The following TMEM117 variants were observed in gnomAD, a reference collection of about 807,000 sequenced individuals.
TMEM117 encodes transmembrane protein 117.
TMEM117 carries 27 observed loss-of-function variants against 52.4 expected under a neutral mutation model. That is an observed-to-expected ratio of 0.51 (90% CI 0.38 to 0.71). The LOEUF (loss-of-function observed/expected upper bound fraction) is 0.71. TMEM117 is among the 30% of genes least tolerant of loss of function. The probability of loss-of-function intolerance (pLI) is 0.00; values close to 1 mark genes in which losing one functional copy is unlikely to be tolerated. For synonymous variants in TMEM117, 215 were observed against 206.3 expected (o/e 1.04, Z -0.36); for missense variants, 556 against 630.5 (o/e 0.88, Z 1.26).
At chr12:43,844,493 G>A (rs1943166607) in intron 1 of TMEM117, 131 bp from the exon 2 acceptor site, 2 of 783,232 alleles carry the variant, frequency 2.6e-6, no homozygotes, top group Admixed American at 2.9e-5. Flanking sequence ...TTGTCTTGGA[G>A]CCATGAGTAG....
At chr12:43,907,784 G>A (rs7954384) in intron 2 of TMEM117, among the ~76,000 whole-genome samples, 101,290 of 143,142 alleles carry the variant, frequency 0.71, 38,963 homozygotes, top group East Asian at 0.86. Context: ...AGCAAGAAGG[G>A]AAGTTTAGAG....
chr12:44,352,777 G>T (rs948427264), intron 6 of TMEM117, among the ~76,000 whole-genome samples: 2 of 152,054 alleles, frequency 1.3e-5, no homozygotes, highest in African/African-American at 4.8e-5. Flanking sequence ...TGTCTTTATA[G>T]CAGCATGATT....
intron 3 of TMEM117, among the ~76,000 whole-genome samples, chr12:44,065,051 T>C (rs1592486765): frequency 6.6e-6 from 1 of 152,272 alleles, no homozygotes; most frequent in South Asian, 2.1e-4. Context: ...ATTTTAGTAA[T>C]ACAATCTGAT....
At chr12:44,121,703 C>T (rs1262756621) in intron 3 of TMEM117, among the ~76,000 whole-genome samples, 1 of 152,080 alleles carries the variant, frequency 6.6e-6, no homozygotes, top group Non-Finnish European at 1.5e-5. Context: ...TTATTTTTCT[C>T]TTTCCAATTT....
chr12:44,157,313 A>T (rs1271430076), intron 4 of TMEM117, among the ~76,000 whole-genome samples: 1 of 152,296 alleles, frequency 6.6e-6, no homozygotes, highest in Middle Eastern at 3.4e-3. Context: ...CTTAGAGGAT[A>T]TGGCTGTGAA....
chr12:44,142,570 G>A (rs7971491), intron 3 of TMEM117, among the ~76,000 whole-genome samples: 32,074 of 151,806 alleles, frequency 0.21, 3,921 homozygotes, highest in African/African-American at 0.34. Flanking sequence ...ATTATCTATT[G>A]GATGTATTTT....
chr12:43,883,946 T>C (rs927812957), intron 2 of TMEM117, among the ~76,000 whole-genome samples: 1 of 151,738 alleles, frequency 6.6e-6, no homozygotes, highest in Non-Finnish European at 1.5e-5. Context: ...AGACCAGCCT[T>C]GGCAACATGG....
intron 5 of TMEM117, among the ~76,000 whole-genome samples, chr12:44,212,682 A>T (rs779188307): frequency 6.6e-6 from 1 of 152,140 alleles, no homozygotes; most frequent in African/African-American, 2.4e-5. Context: ...CCCACCAGAT[A>T]AGGGGGACTA....
intron 2 of TMEM117, among the ~76,000 whole-genome samples, chr12:43,871,785 A>T (rs753737666): frequency 1.3e-5 from 2 of 152,246 alleles, no homozygotes; most frequent in Non-Finnish European, 2.9e-5. Context: ...TTTTTCAAAC[A>T]TTATTGAGGA....
At chr12:44,179,919 T>C (rs918943318) in intron 4 of TMEM117, among the ~76,000 whole-genome samples, 1 of 152,190 alleles carries the variant, frequency 6.6e-6, no homozygotes, top group Non-Finnish European at 1.5e-5. Context: ...CTTTCTTCCA[T>C]GTTGTGATTC....
intron 7 of TMEM117, among the ~76,000 whole-genome samples, chr12:44,384,198 A>G (rs1265939559): frequency 6.6e-6 from 1 of 152,160 alleles, no homozygotes; most frequent in African/African-American, 2.4e-5. Flanking sequence ...AAAGATGAAC[A>G]TCCTTCCTCT....
At chr12:44,347,114 CCTT>C (rs1194549587) in intron 6 of TMEM117, among the ~76,000 whole-genome samples, 1 of 151,900 alleles carries the variant, frequency 6.6e-6, no homozygotes, top group Non-Finnish European at 1.5e-5. Flanking sequence ...TAGTTAAAAG[CCTT>C]CTTTTTCCCA....
intron 3 of TMEM117, among the ~76,000 whole-genome samples, chr12:44,062,004 GGA>G (rs1382165387): frequency 6.6e-6 from 1 of 152,062 alleles, no homozygotes; most frequent in African/African-American, 2.4e-5. Flanking sequence ...GATAATTTTG[GGA>G]GAGACACTCA....
At chr12:44,033,084 A>G (rs1361825084) in intron 3 of TMEM117, among the ~76,000 whole-genome samples, 1 of 152,208 alleles carries the variant, frequency 6.6e-6, no homozygotes, top group Non-Finnish European at 1.5e-5. Flanking sequence ...AATGAGTTGC[A>G]GTAAAGAAAC....
rs567233733 is a variant in TMEM117, at chr12:44,224,613, G to C, written c.608+13226G>C. Among the ~76,000 whole-genome samples, 80 of 152,132 alleles carry C rather than the reference G, an allele frequency of 5.3e-4. No homozygotes were observed. The South Asian group carries it at 8.1e-3, about 15-fold the overall frequency. The stretch of plus-strand genomic sequence containing the variant: ...TTGGCAAAATGCCAAGTATTGGAAA[G>C]CATGTGAAGCAGGATGTGAAAGTCA... On this transcript the variant is annotated intron_variant, in intron 5 of 7. Coordinates refer to ENST00000266534, the MANE Select transcript of TMEM117 (RefSeq NM_032256.3).
chr12:44,382,666 C>T (rs78574655), intron 7 of TMEM117, among the ~76,000 whole-genome samples: 8,759 of 152,216 alleles, frequency 0.058, 345 homozygotes, highest in Middle Eastern at 0.095. Context: ...TACCTGTACT[C>T]GTCACATTGG....
At position 44,016,938 on chromosome 12, in the gene TMEM117, T is replaced by A. The variant is rs75736646; in HGVS notation, c.410+72596T>A. 1.8e-4 allele frequency among the ~76,000 whole-genome samples: 27 copies of A among 152,336 alleles called. 1 individual carries two copies. The East Asian group carries it at 5.2e-3, about 29-fold the overall frequency. ...TGATGAGTGTTATTCTGGCCACAGA[T>A]ATAAATTGATAAATTATATAATAGT... On this transcript the variant is annotated intron_variant, in intron 3 of 7. Coordinates refer to ENST00000266534, the MANE Select transcript of TMEM117 (RefSeq NM_032256.3).
intron 3 of TMEM117, among the ~76,000 whole-genome samples, chr12:44,066,421 C>T (rs1207790213): frequency 1.3e-5 from 2 of 152,164 alleles, no homozygotes; most frequent in African/African-American, 4.8e-5. Context: ...TTTGGGTTAC[C>T]TGTGTCACCT....
intron 6 of TMEM117, among the ~76,000 whole-genome samples, chr12:44,319,978 C>T (rs1951109840): frequency 1.3e-5 from 2 of 152,132 alleles, no homozygotes; most frequent in Admixed American, 1.3e-4. Flanking sequence ...ACTGCCATGG[C>T]CTAACAGCCT....
Sources: gnomAD v4.1 joint callset for allele counts (sites outside exome capture counted in the v4.1 genomes callset) on GRCh38, gnomAD v4.1.1 for gene constraint, MANE v1.5 for transcripts, NCBI Gene and HGNC (gene_info 2026-07-23, HGNC 2026-07-21) for gene names.